The following LPA variants were observed in gnomAD, a reference collection of about 807,000 sequenced individuals.
LPA encodes lipoprotein(a), also known as apolipoprotein(a).
Under a neutral mutation model 197.9 loss-of-function variants are expected in LPA, and 199 were observed. That is an observed-to-expected ratio of 1.01 (90% CI 0.90 to 1.13). The LOEUF is 1.13. LPA is among the 50% of genes most tolerant of loss of function. LPA has a pLI of 0.00. For synonymous variants in LPA, 715 were observed against 639.5 expected, an observed-to-expected ratio of 1.12 and a Z score of -1.78; for missense variants, 1,853 against 1,785.8, an observed-to-expected ratio of 1.04 and a Z score of -0.68.
Position 160,586,536 on chromosome 6 carries a change from G to C in LPA, c.4042C>G (p.Leu1348Val). The C allele has an allele frequency of 6.2e-7, 1 of 1,613,802 alleles. No homozygotes were observed. The highest frequency in any genetic ancestry group is 8.5e-7 in the Non-Finnish European group (1 of 1,179,796). The change falls in exon 25 of 39, where the codon CTG becomes GTG. Residue 1348 changes from leucine (L) to valine (V), a missense_variant. Around this residue, in one of 3 missense-constraint regions of LPA, gnomAD observed 1,737 missense variants for 1,504.4 expected, o/e 1.15. Transcript: ENST00000316300. ...GATTCCATCACTGGACATTGCGTCA[G>C]GTTGCAGTACTCCCATCTGACACTG... ...DPSVRWEYCN[L>V]TQCPVMESTL...
At chr6:160,586,694 C>T (rs1778919147) in intron 24 of LPA, 64 bp from the exon 25 acceptor site, 1 of 1,608,814 alleles carries the variant, frequency 6.2e-7, no homozygotes. Flanking sequence ...ACCTGGCACC[C>T]TCTATGTTTT....
intron 28 of LPA, 100 bp downstream of exon 28, chr6:160,577,036 A>G: frequency 2.1e-6 from 3 of 1,462,558 alleles, no homozygotes; most frequent in Non-Finnish European, 2.9e-6. Context: ...ATGTGAGTCT[A>G]AGAGAAATTT....
chr6:160,590,405 C>T (rs1305637071), intron 23 of LPA, among the ~76,000 whole-genome samples: 1 of 152,162 alleles, frequency 6.6e-6, no homozygotes, highest in African/African-American at 2.4e-5. Context: ...AGGTGTGCAG[C>T]ACCTGCCTAA....
At chr6:160,649,607 T>C (rs1028300390) in intron 2 of LPA, among the ~76,000 whole-genome samples, 3 of 152,182 alleles carry the variant, frequency 2.0e-5, no homozygotes, top group Admixed American at 6.5e-5. Flanking sequence ...ATCTGTTGAG[T>C]TGATCTCATT....
At chr6:160,554,625 G>A (rs541371781) in intron 30 of LPA, among the ~76,000 whole-genome samples, 3 of 152,238 alleles carry the variant, frequency 2.0e-5, no homozygotes, top group African/African-American at 7.2e-5. Flanking sequence ...ATCCCCCAGT[G>A]CTACGTGAGC....
intron 30 of LPA, among the ~76,000 whole-genome samples, chr6:160,549,573 C>G (rs1778135068): frequency 6.6e-6 from 1 of 152,216 alleles, no homozygotes; most frequent in Non-Finnish European, 1.5e-5. Context: ...ACTCTCTGTA[C>G]TAGTCGTGTA....
At chr6:160,595,281 A>C in intron 21 of LPA, 73 bp downstream of exon 21, 1 of 1,568,094 alleles carries the variant, frequency 6.4e-7, no homozygotes, top group Non-Finnish European at 8.7e-7. Context: ...GAAGGCTTCT[A>C]TATCACTAAG....
intron 16 of LPA, among the ~76,000 whole-genome samples, chr6:160,606,940 G>A (rs529888591): frequency 6.6e-6 from 1 of 152,296 alleles, no homozygotes; most frequent in East Asian, 1.9e-4. Flanking sequence ...AACGATCAGA[G>A]TATTCTCCTT....
intron 28 of LPA, among the ~76,000 whole-genome samples, chr6:160,564,874 A>G (rs527811794): frequency 6.6e-6 from 1 of 152,334 alleles, no homozygotes; most frequent in South Asian, 2.1e-4. Context: ...AGAGGGTCCC[A>G]TGCCCACAGA....
chr6:160,585,429 C>T (rs958121628), intron 25 of LPA, among the ~76,000 whole-genome samples: 1 of 151,958 alleles, frequency 6.6e-6, no homozygotes, highest in Non-Finnish European at 1.5e-5. Flanking sequence ...AACAAACAAA[C>T]AAAGAAACAA....
At chr6:160,597,544 T>C (rs1351619733) in intron 20 of LPA, among the ~76,000 whole-genome samples, 2 of 152,242 alleles carry the variant, frequency 1.3e-5, no homozygotes, top group East Asian at 3.8e-4. Context: ...TTTCAGTTAA[T>C]TTTTTCCCTG....
chr6:160,609,383 G>A (rs1195422379), intron 16 of LPA, among the ~76,000 whole-genome samples: 2 of 151,976 alleles, frequency 1.3e-5, no homozygotes, highest in Non-Finnish European at 2.9e-5. Context: ...TGTTTCTGAG[G>A]TGAACGCATT....
intron 1 of LPA, among the ~76,000 whole-genome samples, chr6:160,656,992 G>C (rs1050720560): frequency 1.3e-5 from 2 of 152,176 alleles, no homozygotes; most frequent in African/African-American, 2.4e-5. Context: ...TGCCTCTGCT[G>C]TCTATTATGG....
chr6:160,562,579 T>C (rs1778381146), intron 28 of LPA, among the ~76,000 whole-genome samples: 1 of 152,242 alleles, frequency 6.6e-6, no homozygotes, highest in African/African-American at 2.4e-5. Flanking sequence ...GATGCTGGCC[T>C]CATAAAATGA....
At chr6:160,605,561 C>A (rs1318501701) in intron 17 of LPA, among the ~76,000 whole-genome samples, 1 of 152,198 alleles carries the variant, frequency 6.6e-6, no homozygotes, top group East Asian at 1.9e-4. Flanking sequence ...TTCATGAGGA[C>A]TATGGGGCAG....
At chr6:160,599,368 CT>C in intron 20 of LPA, 131 bp downstream of exon 20, 2 of 1,389,408 alleles carry the variant, frequency 1.4e-6, no homozygotes, top group Non-Finnish European at 2.0e-6. Context: ...TCTCTAAGAA[CT>C]TTTGCTCACA....
chr6:160,584,250 TC>T (rs771036761), intron 26 of LPA, among the ~76,000 whole-genome samples: 57 of 140,832 alleles, frequency 4.0e-4, no homozygotes, highest in Non-Finnish European at 7.0e-4. Context: ...CTCCTCCTCC[TC>T]CTCCTCCTCT....
At chr6:160,608,553 A>G (rs1264733833) in intron 16 of LPA, among the ~76,000 whole-genome samples, 1 of 152,116 alleles carries the variant, frequency 6.6e-6, no homozygotes, top group Non-Finnish European at 1.5e-5. Context: ...TACCGTGAAA[A>G]TGTGAAGTAC....
At chr6:160,647,292 G>C (rs555028393) in intron 2 of LPA, among the ~76,000 whole-genome samples, 2 of 152,292 alleles carry the variant, frequency 1.3e-5, no homozygotes, top group East Asian at 3.9e-4. Context: ...AAGCAGCTGA[G>C]GAGTTTGGGC....
Sources: gnomAD v4.1 joint callset for allele counts (sites outside exome capture counted in the v4.1 genomes callset) on GRCh38, gnomAD v4.1.1 for gene constraint, gnomAD v4.1.1 regional missense constraint, MANE v1.5 for transcripts, NCBI Gene and HGNC (gene_info 2026-07-23, HGNC 2026-07-21) for gene names.